Variants in CCDC146 observed in about 807,000 individuals in gnomAD.
CCDC146 encodes the protein coiled-coil domain containing 146, also known as coiled-coil domain-containing protein 146.
A neutral mutation model predicts 119.3 loss-of-function variants in CCDC146; 92 were observed. That is an observed-to-expected ratio of 0.77 (90% CI 0.65 to 0.92). CCDC146 has a LOEUF of 0.92. Ranked by LOEUF, CCDC146 falls within the 40% of genes least tolerant of loss-of-function variation. The pLI is 0.00. For missense variants in CCDC146, 1,000 were observed against 1,103.0 expected, an observed-to-expected ratio of 0.91 and a Z score of 1.32; for synonymous variants, 372 against 371.8, an observed-to-expected ratio of 1.00 and a Z score of -0.01.
intron 1 of CCDC146, among the ~76,000 whole-genome samples, chr7:77,166,370 T>G (rs536258177): frequency 2.0e-4 from 30 of 151,982 alleles, no homozygotes; most frequent in Non-Finnish European, 3.2e-4. Context: ...TCTTATAAAC[T>G]TCAGTGAAAG....
At chr7:77,159,433 A>G (rs1305207534) in intron 1 of CCDC146, among the ~76,000 whole-genome samples, 1 of 152,012 alleles carries the variant, frequency 6.6e-6, no homozygotes. Context: ...TAAATATTTC[A>G]TTTTCTATCC....
chr7:77,241,379 CAGT>C (rs1792845882), intron 3 of CCDC146, among the ~76,000 whole-genome samples: 1 of 76,134 alleles, frequency 1.3e-5, no homozygotes, highest in African/African-American at 3.2e-5. Flanking sequence ...TTAAGAGTGC[CAGT>C]CAGGTATTCT....
intron 15 of CCDC146, among the ~76,000 whole-genome samples, chr7:77,283,498 TA>T (rs1049943580): frequency 2.6e-5 from 4 of 152,292 alleles, no homozygotes; most frequent in East Asian, 1.9e-4. Context: ...TAACCTATAA[TA>T]TTTTTTTTTA....
chr7:77,236,068 C>CATAAATAA (rs141909777), intron 2 of CCDC146, among the ~76,000 whole-genome samples: 1,672 of 147,498 alleles, frequency 0.011, 27 homozygotes, highest in African/African-American at 0.037. Context: ...GAGACTCCGT[C>CATAAATAA]ATAAATAAAT....
At chr7:77,255,475 C>T (rs143811910) in intron 5 of CCDC146, 22 of 152,302 alleles carry the variant, frequency 1.4e-4, no homozygotes, top group African/African-American at 4.6e-4. Flanking sequence ...CACAATAAAA[C>T]CTGTTTAGCA....
intron 4 of CCDC146, among the ~76,000 whole-genome samples, chr7:77,253,516 C>T (rs1393158916): frequency 6.6e-6 from 1 of 152,172 alleles, no homozygotes; most frequent in Non-Finnish European, 1.5e-5. Flanking sequence ...TCTCATTCAG[C>T]ACATACATTA....
At position 77,138,563 on chromosome 7, in the gene CCDC146, T is replaced by A. The variant is rs189165964; in HGVS notation, c.-12+15831T>A. ...TCACTGAAATTTAAAAGTTCTGCAC[T>A]ACGAAAGACAATGTCAAAAAAATGA... On this transcript the variant is annotated intron_variant, in intron 1 of 18. Coordinates refer to ENST00000285871, the MANE Select transcript of CCDC146 (RefSeq NM_020879.3). 6.3e-4 allele frequency among the ~76,000 whole-genome samples: 96 copies of A among 152,246 alleles called. 1 individual carries two copies. The highest frequency in any genetic ancestry group is 6.8e-3 in the Middle Eastern group (2 of 294).
chr7:77,225,003 A>T (rs761785332), intron 2 of CCDC146, among the ~76,000 whole-genome samples: 3 of 152,188 alleles, frequency 2.0e-5, no homozygotes, highest in Non-Finnish European at 4.4e-5. Flanking sequence ...GAAAGAAGGT[A>T]ATTAAATGGG....
chr7:77,242,179 C>G (rs897238277), intron 4 of CCDC146, among the ~76,000 whole-genome samples: 8 of 152,310 alleles, frequency 5.3e-5, no homozygotes, highest in Middle Eastern at 3.4e-3. Flanking sequence ...CTCCACCAAA[C>G]CAGTTATTAG....
rs377332606 is a variant in CCDC146 at position 77,273,797 on chromosome 7, T to C, written c.1269+8T>C. ...AGGAATTTGGCCCAACAGGTTAATA[T>C]CAATGCTCATTTAAGCTTCTATCTA... On this transcript the variant is annotated splice_region_variant and intron_variant, in intron 10 of 18. Transcript: ENST00000285871. 13 of 1,562,864 alleles carry C rather than the reference T, an allele frequency of 8.3e-6. No individual in the cohort carries two copies. The highest frequency in any genetic ancestry group is 7.8e-5 in the South Asian group (7 of 89,344).
intron 2 of CCDC146, among the ~76,000 whole-genome samples, chr7:77,168,439 G>A (rs1189698373): frequency 6.6e-6 from 1 of 151,462 alleles, no homozygotes; most frequent in Non-Finnish European, 1.5e-5. Flanking sequence ...AAATGATTTA[G>A]AGGACATTTG....
intron 4 of CCDC146, among the ~76,000 whole-genome samples, chr7:77,247,157 A>G (rs1483095924): frequency 6.6e-6 from 1 of 152,226 alleles, no homozygotes; most frequent in African/African-American, 2.4e-5. Flanking sequence ...TAAAAATAGA[A>G]AAATACATTC....
Position 77,196,338 on chromosome 7 carries a change from A to T in CCDC146, c.156+28514A>T, listed in dbSNP as rs369065862. ...TTAGCCTCTTTGAAGGAGGACTTGT[A>T]GCCACCAGGGTGTGCCTCACTTACA... is the stretch of plus-strand genomic sequence containing the variant. On this transcript the variant is annotated intron_variant, in intron 2 of 18. Transcript: ENST00000285871. The surrounding 1 kb of genome is among the most constrained non-coding windows in gnomAD (Gnocchi z 4.2). 6 of 1,614,040 alleles carry T rather than the reference A, an allele frequency of 3.7e-6. No homozygotes were observed. The African/African-American group carries it at 6.7e-5, about 18-fold the overall frequency.
intron 14 of CCDC146, 111 bp downstream of exon 14, chr7:77,280,764 C>T: frequency 1.3e-6 from 1 of 747,308 alleles, no homozygotes; most frequent in Non-Finnish European, 2.2e-6. Flanking sequence ...ATTCAGGTTG[C>T]ATTAGCCTTT....
Position 77,167,657 on chromosome 7 carries a change from G to C in CCDC146, c.-11-1G>C. ...CCACATATGTATTAATTTTATTTTA[G>C]AATCGTGAAAAATGGAAGACAGTAG... On this transcript the variant is annotated splice_acceptor_variant, in intron 1 of 18. Coordinates refer to ENST00000285871, the MANE Select transcript of CCDC146 (RefSeq NM_020879.3). LOFTEE classifies it low-confidence loss of function (5UTR_SPLICE). The C allele has an allele frequency of 6.5e-7, 1 of 1,550,188 alleles. No homozygotes were observed. Among genetic ancestry groups the C allele is most frequent in the Non-Finnish European group, 8.7e-7 (1 of 1,151,348 alleles).
intron 2 of CCDC146, among the ~76,000 whole-genome samples, chr7:77,221,730 A>G (rs1299805266): frequency 1.3e-5 from 2 of 152,208 alleles, no homozygotes; most frequent in African/African-American, 2.4e-5. Flanking sequence ...ACACATAAAA[A>G]TAAGTGCTCT....
chr7:77,162,682 C>T (rs1791280343), intron 1 of CCDC146, among the ~76,000 whole-genome samples: 1 of 151,772 alleles, frequency 6.6e-6, no homozygotes, highest in African/African-American at 2.4e-5. Context: ...AAAAAAGTGC[C>T]ATTGGAATTT....
chr7:77,294,241 T>G (rs1794002828), intron 18 of CCDC146, among the ~76,000 whole-genome samples: 2 of 152,250 alleles, frequency 1.3e-5, no homozygotes, highest in Non-Finnish European at 2.9e-5. Context: ...AACAGGGAAA[T>G]AATTAGTGCT....
intron 1 of CCDC146, among the ~76,000 whole-genome samples, chr7:77,148,897 A>G (rs1183050851): frequency 6.6e-6 from 1 of 152,164 alleles, no homozygotes; most frequent in Non-Finnish European, 1.5e-5. Flanking sequence ...GAAAATGGCC[A>G]CACTGCTCAA....
Sources: allele counts gnomAD v4.1 joint callset (sites outside exome capture counted in the v4.1 genomes callset), GRCh38; gene constraint gnomAD v4.1.1; non-coding constraint Gnocchi (gnomAD v3.1); transcripts MANE v1.5; gene names NCBI Gene and HGNC (gene_info 2026-07-23, HGNC 2026-07-21).